CCNI: variants seen among roughly 807,000 people sequenced by gnomAD.
CCNI encodes the protein cyclin I.
In CCNI, 14 loss-of-function variants were observed where a neutral mutation model predicts 34.1. That is an observed-to-expected ratio of 0.41 (90% confidence interval 0.27 to 0.64). The LOEUF is 0.64. Ranked by LOEUF, CCNI falls within the 30% of genes least tolerant of loss-of-function variation. The pLI is 0.31. For missense variants in CCNI, 385 were observed against 440.5 expected, an observed-to-expected ratio of 0.87 and a Z score of 1.13; for synonymous variants, 154 against 158.4, an observed-to-expected ratio of 0.97 and a Z score of 0.21.
intron 1 of CCNI, among the ~76,000 whole-genome samples, chr4:77,073,091 T>C (rs1729609570): frequency 6.6e-6 from 1 of 152,230 alleles, no homozygotes; most frequent in Admixed American, 6.5e-5. Context: ...TAGTTATGTT[T>C]TGTTACTGTA....
intron 3 of CCNI, among the ~76,000 whole-genome samples, chr4:77,057,421 TAGTA>T (rs772973705): frequency 2.6e-5 from 4 of 152,344 alleles, no homozygotes; most frequent in East Asian, 1.9e-4. Context: ...CTGTCATGTT[TAGTA>T]AGTGTCTTAA....
intron 6 of CCNI, among the ~76,000 whole-genome samples, chr4:77,052,629 T>C (rs1263652764): frequency 6.6e-6 from 1 of 152,118 alleles, no homozygotes; most frequent in Non-Finnish European, 1.5e-5. Flanking sequence ...TGTGATGGAC[T>C]CTCCTCAAAC....
At chr4:77,062,187 A>G (rs1013913843) in intron 2 of CCNI, among the ~76,000 whole-genome samples, 1 of 152,178 alleles carries the variant, frequency 6.6e-6, no homozygotes, top group Non-Finnish European at 1.5e-5. Flanking sequence ...TCCCCGCCAG[A>G]TACTTTTCCT....
At chr4:77,048,743 T>G in intron 6 of CCNI, 81 bp from the exon 7 acceptor site, 2 of 1,071,498 alleles carry the variant, frequency 1.9e-6, no homozygotes, top group Non-Finnish European at 2.6e-6. Context: ...GTGGCCATTT[T>G]TCCTCCCTGT....
At chr4:77,059,042 A>AG (rs1378295570) in intron 2 of CCNI, among the ~76,000 whole-genome samples, 1 of 152,160 alleles carries the variant, frequency 6.6e-6, no homozygotes, top group African/African-American at 2.4e-5. Flanking sequence ...AACTTATCTT[A>AG]GGAAATATAA....
Position 77,065,481 on chromosome 4 carries a change from G to C in CCNI, c.114+768C>G, listed in dbSNP as rs550452329. On this transcript the variant is annotated intron_variant, in intron 2 of 6. Transcript: ENST00000237654. ...AAGAAAAACTATGCAGCTAACAGTA[G>C]TTAAGAGACCAGCTGGCTATCTTCT... 1.2e-4 allele frequency among the ~76,000 whole-genome samples: 18 copies of C among 152,318 alleles called. No individual in the cohort carries two copies. The South Asian group carries it at 3.5e-3, about 30-fold the overall frequency.
intron 2 of CCNI, among the ~76,000 whole-genome samples, chr4:77,064,254 AAAAG>A (rs202168226): frequency 0.053 from 8,118 of 151,962 alleles, 716 homozygotes; most frequent in African/African-American, 0.19. Context: ...TCAAAAAAAA[AAAAG>A]AAATAGGTCA....
At chr4:77,073,752 T>C (rs1004188117) in intron 1 of CCNI, among the ~76,000 whole-genome samples, 44 of 152,214 alleles carry the variant, frequency 2.9e-4, no homozygotes, top group Admixed American at 2.4e-3. Flanking sequence ...CCAACATCTG[T>C]ACTTGGACAT....
rs1379713666 is a variant in CCNI at position 77,047,613 on chromosome 4, A to G, written c.*606T>C. 2 of 152,294 alleles carry G rather than the reference A, an allele frequency of 1.3e-5. No homozygotes were observed. Among genetic ancestry groups the G allele is most frequent in the East Asian group, 1.9e-4 (1 of 5,202 alleles). The allele number at this position is 152,294 out of a possible 1,614,324, so 9.4% of individuals were successfully genotyped here. On this transcript the variant is annotated 3_prime_UTR_variant, in exon 7 of 7. Transcript: ENST00000237654. ...AAACAAAAATGAAAACCATAATTTTAAATTAAAATTTGAAATGAGACACAA... is the reference window on the plus strand; with the variant it reads ...AAACAAAAATGAAAACCATAATTTTGAATTAAAATTTGAAATGAGACACAA...
chr4:77,066,463 G>A (rs983145988), intron 1 of CCNI, 58 bp from the exon 2 acceptor site: 1 of 1,319,758 alleles, frequency 7.6e-7, no homozygotes, highest in South Asian at 1.3e-5. Flanking sequence ...ATTATATAAA[G>A]TACTAATTAA....
At chr4:77,075,397 G>C (rs918549785) in intron 1 of CCNI, 75 bp downstream of exon 1, 2 of 522,162 alleles carry the variant, frequency 3.8e-6, no homozygotes, top group Non-Finnish European at 4.9e-6. Flanking sequence ...GGCGCGGGGG[G>C]AGCAGCGGGG....
At chr4:77,058,379 G>A (rs1028593284) in intron 3 of CCNI, 128 bp downstream of exon 3, 1 of 621,438 alleles carries the variant, frequency 1.6e-6, no homozygotes, top group Non-Finnish European at 2.7e-6. Flanking sequence ...CTTCTTATGG[G>A]TACATACATC....
At chr4:77,060,554 C>G (rs1199959921) in intron 2 of CCNI, among the ~76,000 whole-genome samples, 1 of 151,586 alleles carries the variant, frequency 6.6e-6, no homozygotes, top group Non-Finnish European at 1.5e-5. Context: ...ACCTCCCAGC[C>G]CCAAGTGATC....
intron 1 of CCNI, among the ~76,000 whole-genome samples, chr4:77,073,902 T>G (rs538368192): frequency 2.0e-5 from 3 of 152,246 alleles, no homozygotes; most frequent in Admixed American, 6.5e-5. Context: ...GTAAAAGCAC[T>G]GAGTGCTTAC....
rs372298005 is a variant in CCNI, at chr4:77,048,011, CT to C, written c.*207del. The C allele has an allele frequency of 0.16, 49,790 of 308,960 alleles. No individual in the cohort carries two copies. Among genetic ancestry groups the C allele is most frequent in the Middle Eastern group, 0.22 (262 of 1,180 alleles). The allele number at this position is 308,960 out of a possible 1,614,324, so 19.1% of individuals were successfully genotyped here. A position where few individuals can be genotyped will look rare whatever the true frequency, so the allele number is the denominator to read the frequency against. ...AAAAAAGTTTGGATCTTTTGGATTTCTTTTTTTTTTTTTTGGTCTTTATGTG... is the reference window on the plus strand; with the variant it reads ...AAAAAAGTTTGGATCTTTTGGATTTCTTTTTTTTTTTTTGGTCTTTATGTG... On this transcript the variant is annotated 3_prime_UTR_variant, in exon 7 of 7. Coordinates refer to ENST00000237654, the MANE Select transcript of CCNI (RefSeq NM_006835.3).
Position 77,054,363 on chromosome 4 carries a change from A to C in CCNI, c.690+787T>G, listed in dbSNP as rs1426735134. On this transcript the variant is annotated intron_variant, in intron 6 of 6. Coordinates refer to ENST00000237654, the MANE Select transcript of CCNI (RefSeq NM_006835.3). ...AAATCAGAATAACTACTGTTAAATAAGAATAAATAGCCATATAAAGGGAAA... is the reference window on the plus strand; with the variant it reads ...AAATCAGAATAACTACTGTTAAATACGAATAAATAGCCATATAAAGGGAAA... Among the ~76,000 whole-genome samples, 4 of 152,352 alleles carry C rather than the reference A, an allele frequency of 2.6e-5. No homozygotes were observed. In the East Asian group the frequency reaches 7.7e-4, roughly 29 times the overall value.
chr4:77,075,042 TTCAG>T (rs1729796281), intron 1 of CCNI: 1 of 142,642 alleles, frequency 7.0e-6, no homozygotes, highest in Admixed American at 7.4e-5. Context: ...TCATTTGGCA[TTCAG>T]TCTGCCGTGC....
At position 77,075,454 on chromosome 4, in the gene CCNI, C is replaced by G. The variant is rs895664291; in HGVS notation, c.-44+18G>C. 17 of 680,646 alleles carry G rather than the reference C, an allele frequency of 2.5e-5. No individual in the cohort carries two copies. In the Admixed American group the frequency reaches 4.4e-4, roughly 18 times the overall value. 42.2% of individuals were successfully genotyped at this position (680,646 alleles called of 1,614,324 possible). ...CGCGGAGACGCGTCGAGCCCCCGCC[C>G]CCGCCCCCGCCCCTCACCTTCTCCT... is the stretch of plus-strand genomic sequence containing the variant. On this transcript the variant is annotated intron_variant, in intron 1 of 6. Transcript: ENST00000237654.
intron 1 of CCNI, among the ~76,000 whole-genome samples, chr4:77,074,024 T>C (rs547401269): frequency 5.9e-4 from 90 of 152,228 alleles, no homozygotes; most frequent in African/African-American, 2.1e-3. Context: ...TTTTTCTTAC[T>C]ACACCCCCAT....
Sources: allele counts gnomAD v4.1 joint callset (sites outside exome capture counted in the v4.1 genomes callset), GRCh38; gene constraint gnomAD v4.1.1; transcripts MANE v1.5; gene names NCBI Gene and HGNC (gene_info 2026-07-23, HGNC 2026-07-21).